Variants in SEC13 observed in about 807,000 individuals in gnomAD.
SEC13 encodes SEC13 homolog, nuclear pore and COPII component.
A neutral mutation model predicts 49.2 loss-of-function variants in SEC13; 25 were observed. The observed-to-expected ratio is 0.51, with a 90% CI of 0.37 to 0.71. The LOEUF is 0.71. Ranked by LOEUF, SEC13 falls within the 30% of genes least tolerant of loss-of-function variation. The pLI, the probability that SEC13 is intolerant of heterozygous loss-of-function variation, is 0.00. For missense variants in SEC13, 383 were observed against 417.6 expected (o/e 0.92, Z 0.72); for synonymous variants, 148 against 163.9 (o/e 0.90, Z 0.74).
chr3:10,314,359 T>C (rs901995369), intron 3 of SEC13, among the ~76,000 whole-genome samples: 1 of 152,256 alleles, frequency 6.6e-6, no homozygotes, highest in African/African-American at 2.4e-5. Flanking sequence ...CAACAAACCC[T>C]AGCGGCAGGT....
At chr3:10,303,112 T>G (rs1375411466) in intron 8 of SEC13, among the ~76,000 whole-genome samples, 1 of 152,198 alleles carries the variant, frequency 6.6e-6, no homozygotes, top group African/African-American at 2.4e-5. Flanking sequence ...ACCAGCTGCT[T>G]CTCTGCCTTG....
intron 5 of SEC13, among the ~76,000 whole-genome samples, chr3:10,307,756 A>G (rs1700980760): frequency 6.6e-6 from 1 of 152,124 alleles, no homozygotes; most frequent in African/African-American, 2.4e-5. Flanking sequence ...AAACCACATC[A>G]TGGGGCTTTG....
chr3:10,315,285 T>C, intron 3 of SEC13, 36 bp downstream of exon 3: 1 of 1,488,984 alleles, frequency 6.7e-7, no homozygotes, highest in Non-Finnish European at 9.4e-7. Context: ...ACCCACACCA[T>C]TCCTGGAGCC....
rs1332524521 is a variant in SEC13, at chr3:10,307,110, C to T, written c.451-1418G>A. Among the ~76,000 whole-genome samples the T allele has an allele frequency of 2.6e-5, 4 of 151,846 alleles. No homozygotes were observed. The East Asian group carries it at 7.7e-4, about 29-fold the overall frequency. On this transcript the variant is annotated intron_variant, in intron 5 of 8. Transcript: ENST00000350697. Reference sequence around the variant, plus strand: ...ACTGTCACCCAGGCTAGAGTGCAGGCTGGTAAGATCATGGTTCACTGCAGC... The same window carrying T: ...ACTGTCACCCAGGCTAGAGTGCAGGTTGGTAAGATCATGGTTCACTGCAGC...
chr3:10,303,202 A>G (rs1700650908), intron 8 of SEC13, among the ~76,000 whole-genome samples: 1 of 152,210 alleles, frequency 6.6e-6, no homozygotes, highest in Non-Finnish European at 1.5e-5. Context: ...ACAGTAAAAG[A>G]CCAACATAGG....
chr3:10,308,791 A>ATTTTTTTTTTTT (rs34572074), intron 5 of SEC13, among the ~76,000 whole-genome samples: 1 of 115,630 alleles, frequency 8.6e-6, no homozygotes, highest in Non-Finnish European at 1.8e-5. Flanking sequence ...GCTGAGTTGA[A>ATTTTTTTTTTTT]TTTTTTTTTT....
rs151313829 is a variant in SEC13, at chr3:10,304,165, C to G, written c.716G>C (p.Arg239Pro). ...ATCATCACAGGTCCAAATGAACACA[C>G]GACCATCCTAGGAAGAAACAGGATA... ...STIASCSQDG[R>P]VFIWTCDDAS... Residue 239 changes from arginine (R) to proline (P), a missense_variant, in exon 8 of 9, where the codon CGT (arginine) becomes CCT (proline). Arg to Pro is a moderately radical substitution (Grantham distance 103, BLOSUM62 -2). Coordinates refer to ENST00000350697, the MANE Select transcript of SEC13 (RefSeq NM_183352.3). 118 of 1,613,818 alleles carry G rather than the reference C, an allele frequency of 7.3e-5. No individual in the cohort carries two copies. The highest frequency in any genetic ancestry group is 8.1e-5 in the Non-Finnish European group (95 of 1,179,934).
chr3:10,319,034 C>A, intron 1 of SEC13: 2 of 1,034,556 alleles, frequency 1.9e-6, no homozygotes, highest in Non-Finnish European at 2.8e-6. Flanking sequence ...AGTAAATGAA[C>A]AAAAGCTGTT....
intron 8 of SEC13, among the ~76,000 whole-genome samples, chr3:10,303,393 C>T (rs541427062): frequency 6.6e-6 from 1 of 152,334 alleles, no homozygotes; most frequent in Admixed American, 6.5e-5. Flanking sequence ...TTACTGCTTC[C>T]TTTCTGCGGG....
rs757687338 is a variant in SEC13, at chr3:10,312,633, C to G, written c.262G>C (p.Glu88Gln). Residue 88 changes from glutamate to glutamine, a missense_variant, in exon 4 of 9, where the codon GAG becomes CAG. Transcript: ENST00000350697. ...SYDRKVIIWR[E>Q]ENGTWEKSHE... is the part of the protein sequence containing the mutation. ...CTCTTCTCCCAGGTGCCGTTTTCCT[C>G]TCTCCAGATAATGACTTTCCGGTCA... The G allele has an allele frequency of 1.2e-6, 2 of 1,614,206 alleles. No homozygotes were observed. The highest frequency in any genetic ancestry group is 1.3e-5 in the African/African-American group (1 of 75,046).
intron 7 of SEC13, 73 bp downstream of exon 7, chr3:10,304,960 G>A: frequency 6.2e-7 from 1 of 1,607,212 alleles, no homozygotes; most frequent in Non-Finnish European, 8.5e-7. Flanking sequence ...AGGACTTTCT[G>A]CTAAGGAGAC....
intron 8 of SEC13, among the ~76,000 whole-genome samples, chr3:10,303,216 G>C (rs1700651657): frequency 6.6e-6 from 1 of 152,256 alleles, no homozygotes; most frequent in Non-Finnish European, 1.5e-5. Context: ...ACATAGGCAA[G>C]GGAGAGAAGC....
In SEC13 at chr3:10,312,723, C is replaced by G. The variant is rs528120971; in HGVS notation, c.172G>C (p.Gly58Arg). ...GCCCAGGCCACTTGCCACACAGGAC[C>G]CTCATGACTACAAAGGGAGAGATAG... Reference protein sequence around the residue: ...ILIADLRGHEGPVWQVAWAHP... With the variant: ...ILIADLRGHERPVWQVAWAHP... The change falls in exon 4 of 9, where the codon GGT becomes CGT. Residue 58 changes from glycine to arginine, a missense_variant. Coordinates refer to ENST00000350697, the MANE Select transcript of SEC13 (RefSeq NM_183352.3). 6.2e-7 allele frequency: 1 copy of G among 1,614,156 alleles called. No individual in the cohort carries two copies. Among genetic ancestry groups the G allele is most frequent in the Non-Finnish European group, 8.5e-7 (1 of 1,180,016 alleles).
At chr3:10,314,234 C>T (rs528557709) in intron 3 of SEC13, among the ~76,000 whole-genome samples, 6 of 152,346 alleles carry the variant, frequency 3.9e-5, no homozygotes, top group African/African-American at 9.6e-5. Flanking sequence ...CCCACCTCAG[C>T]CTCCCAAAGT....
In SEC13 at chr3:10,300,943, T is replaced by A. The variant is rs959081889; in HGVS notation, c.*318A>T. The stretch of plus-strand genomic sequence containing the variant: ...AACGCAGCAGGAATTATAAGCAATA[T>A]GACTTTATTTAGTTCCTTTGGAAAC... On this transcript the variant is annotated 3_prime_UTR_variant, in exon 9 of 9. Transcript: ENST00000350697. The A allele has an allele frequency of 1.2e-6, 1 of 822,322 alleles. No homozygotes were observed. The highest frequency in any genetic ancestry group is 1.7e-5 in the African/African-American group (1 of 58,222). The allele number at this position is 822,322 out of a possible 1,614,324, so 50.9% of individuals were successfully genotyped here. A position where few individuals can be genotyped will look rare whatever the true frequency, so the allele number is the denominator to read the frequency against.
chr3:10,307,687 A>G (rs1353547591), intron 5 of SEC13, among the ~76,000 whole-genome samples: 1 of 152,192 alleles, frequency 6.6e-6, no homozygotes, highest in African/African-American at 2.4e-5. Flanking sequence ...CTCAACTCCC[A>G]CTGGTTACCC....
In SEC13 at chr3:10,311,763, G is replaced by T. The variant is rs987380500; in HGVS notation, c.450+202C>A. 2.8e-6 allele frequency: 4 copies of T among 1,420,350 alleles called. No homozygotes were observed. In the African/African-American group the frequency reaches 4.3e-5, roughly 15 times the overall value. 88.0% of individuals were successfully genotyped at this position (1,420,350 alleles called of 1,614,324 possible). On this transcript the variant is annotated intron_variant, in intron 5 of 8. Transcript: ENST00000350697. ...TCCCCTGCTTGGGAGCACACAACAA[G>T]GAAGCAGTGCCAAGCCCTGCCTGGT...
At chr3:10,304,285 G>A (rs1417322829) in intron 7 of SEC13, 113 bp from the exon 8 acceptor site, 1 of 1,079,264 alleles carries the variant, frequency 9.3e-7, no homozygotes, top group Non-Finnish European at 1.4e-6. Flanking sequence ...CAGGGTGGGG[G>A]ATTCAAAGGG....
chr3:10,319,912 GGAGA>G (rs1242463682), intron 1 of SEC13, among the ~76,000 whole-genome samples: 65 of 114,880 alleles, frequency 5.7e-4, no homozygotes, highest in South Asian at 7.5e-4. Flanking sequence ...GAGGGAGCGG[GGAGA>G]GAGAGAGAGA....
Sources: gnomAD v4.1 joint callset for allele counts (sites outside exome capture counted in the v4.1 genomes callset) on GRCh38, gnomAD v4.1.1 for gene constraint, MANE v1.5 for transcripts, NCBI Gene and HGNC (gene_info 2026-07-23, HGNC 2026-07-21) for gene names.